LDB2: variants seen among roughly 807,000 people sequenced by gnomAD.
LDB2 encodes the protein LIM domain-binding protein 2.
A neutral mutation model predicts 44.3 loss-of-function variants in LDB2; 12 were observed. The ratio of observed to expected loss-of-function variants is 0.27; its 90% CI spans 0.17 to 0.44. LDB2 has a LOEUF of 0.44. Among genes scored for constraint, LDB2 ranks in the 20% least tolerant of loss-of-function variants. The probability of loss-of-function intolerance (pLI) is 1.00; values close to 1 mark genes in which losing one functional copy is unlikely to be tolerated. For missense variants in LDB2, 344 were observed against 473.5 expected, an observed-to-expected ratio of 0.73 and a Z score of 2.54; for synonymous variants, 164 against 174.8, an observed-to-expected ratio of 0.94 and a Z score of 0.49.
chr4:16,679,544 A>C (rs772876399), intron 2 of LDB2, among the ~76,000 whole-genome samples: 5 of 152,170 alleles, frequency 3.3e-5, no homozygotes, highest in Non-Finnish European at 5.9e-5. Context: ...AATGAGGCAA[A>C]GTTAAGTGAC....
chr4:16,825,927 C>G (rs1262444825), intron 1 of LDB2, among the ~76,000 whole-genome samples: 1 of 151,852 alleles, frequency 6.6e-6, no homozygotes, highest in Non-Finnish European at 1.5e-5. Context: ...ACCTATGAAA[C>G]TAATTTTATA....
intron 1 of LDB2, among the ~76,000 whole-genome samples, chr4:16,873,577 C>T (rs910731764): frequency 6.6e-6 from 1 of 152,056 alleles, no homozygotes; most frequent in Non-Finnish European, 1.5e-5. Flanking sequence ...CAAAGAAAAA[C>T]CAAATTATTC....
intron 5 of LDB2, among the ~76,000 whole-genome samples, chr4:16,517,637 G>A (rs1455716392): frequency 6.6e-6 from 1 of 152,186 alleles, no homozygotes; most frequent in African/African-American, 2.4e-5. Context: ...AGCAAGGCCC[G>A]AGATCCCTCT....
In LDB2 at chr4:16,502,379, T is replaced by G; in HGVS notation, c.*264A>C. On this transcript the variant is annotated 3_prime_UTR_variant, in exon 8 of 8. Coordinates refer to ENST00000304523, the MANE Select transcript of LDB2 (RefSeq NM_001290.5). ...AACCGTGCCAGAAGATGCGCTAGAG[T>G]TTTCTCTCATTTTAATTACAATCAG... is the stretch of plus-strand genomic sequence containing the variant. 1 of 444,046 alleles carries G rather than the reference T, an allele frequency of 2.3e-6. No homozygotes were observed. The highest frequency in any genetic ancestry group is 4.0e-6 in the Non-Finnish European group (1 of 248,530). 27.5% of individuals were successfully genotyped at this position (444,046 alleles called of 1,614,324 possible). A position where few individuals can be genotyped will look rare whatever the true frequency, so the allele number is the denominator to read the frequency against.
chr4:16,576,921 G>C (rs958934950), intron 5 of LDB2, among the ~76,000 whole-genome samples: 3 of 152,194 alleles, frequency 2.0e-5, no homozygotes, highest in African/African-American at 7.2e-5. Flanking sequence ...TGCAAGAATA[G>C]TTCAACGTAT....
At chr4:16,839,583 T>C (rs1408674708) in intron 1 of LDB2, among the ~76,000 whole-genome samples, 3 of 152,152 alleles carry the variant, frequency 2.0e-5, no homozygotes, top group Admixed American at 6.5e-5. Flanking sequence ...GTGAGCAAAC[T>C]GAGGCTCAAA....
chr4:16,611,935 T>C (rs915695483), intron 2 of LDB2, among the ~76,000 whole-genome samples: 3 of 152,130 alleles, frequency 2.0e-5, no homozygotes, highest in African/African-American at 7.2e-5. Context: ...CACATGGCAC[T>C]TATCCTAAAA....
At chr4:16,783,457 C>A (rs1579626042) in intron 1 of LDB2, among the ~76,000 whole-genome samples, 1 of 152,256 alleles carries the variant, frequency 6.6e-6, no homozygotes. Context: ...TGAATGGCCA[C>A]CCACGGAGGT....
chr4:16,716,593 C>T (rs866652586), intron 2 of LDB2, among the ~76,000 whole-genome samples: 1 of 152,262 alleles, frequency 6.6e-6, no homozygotes, highest in Middle Eastern at 3.4e-3. Context: ...TGGGGGTTAG[C>T]ATTTGAACTC....
intron 1 of LDB2, among the ~76,000 whole-genome samples, chr4:16,823,091 T>A (rs1782412865): frequency 6.6e-6 from 1 of 152,208 alleles, no homozygotes; most frequent in Admixed American, 6.5e-5. Context: ...ACACTTGATA[T>A]AAGCACAATT....
chr4:16,654,395 G>A (rs756825084), intron 2 of LDB2, among the ~76,000 whole-genome samples: 4 of 152,168 alleles, frequency 2.6e-5, no homozygotes, highest in Admixed American at 6.6e-5. Flanking sequence ...GAGTGTGGAA[G>A]GGCACTGGAG....
At chr4:16,734,083 G>C (rs1437145471) in intron 2 of LDB2, among the ~76,000 whole-genome samples, 1 of 152,136 alleles carries the variant, frequency 6.6e-6, no homozygotes. Flanking sequence ...TGATAAATAA[G>C]AATAATGATA....
At chr4:16,896,043 CAATTATTTGAAT>C (rs1332011980) in intron 1 of LDB2, among the ~76,000 whole-genome samples, 1 of 151,830 alleles carries the variant, frequency 6.6e-6, no homozygotes, top group East Asian at 1.9e-4. Context: ...AGTATTGAGG[CAATTATTTGAAT>C]AATTATTTGA....
At chr4:16,609,423 A>G (rs906419233) in intron 2 of LDB2, among the ~76,000 whole-genome samples, 4 of 151,922 alleles carry the variant, frequency 2.6e-5, no homozygotes, top group African/African-American at 9.7e-5. Context: ...GAGGGGCAGC[A>G]GCCAGCACTG....
At chr4:16,678,493 G>C (rs530730848) in intron 2 of LDB2, among the ~76,000 whole-genome samples, 8 of 152,240 alleles carry the variant, frequency 5.3e-5, no homozygotes, top group African/African-American at 1.9e-4. Flanking sequence ...CAGGGGTGAA[G>C]GGGGGACCTT....
At chr4:16,857,130 C>T (rs1275407947) in intron 1 of LDB2, among the ~76,000 whole-genome samples, 2 of 152,144 alleles carry the variant, frequency 1.3e-5, no homozygotes, top group African/African-American at 4.8e-5. Flanking sequence ...TTATGGAATA[C>T]CCATGGAGTT....
intron 1 of LDB2, among the ~76,000 whole-genome samples, chr4:16,805,521 C>A (rs1778614428): frequency 1.3e-5 from 2 of 152,176 alleles, no homozygotes; most frequent in Non-Finnish European, 2.9e-5. Context: ...GAACAATGCA[C>A]AGGCTCATGG....
intron 1 of LDB2, among the ~76,000 whole-genome samples, chr4:16,782,023 G>A (rs1773352869): frequency 6.6e-6 from 1 of 152,208 alleles, no homozygotes; most frequent in South Asian, 2.1e-4. Flanking sequence ...GTGAATTTCT[G>A]TTATTTTCAA....
chr4:16,686,904 C>T (rs1230395960), intron 2 of LDB2, among the ~76,000 whole-genome samples: 1 of 152,098 alleles, frequency 6.6e-6, no homozygotes, highest in Admixed American at 6.5e-5. Flanking sequence ...CTTATTCCTC[C>T]AGCTTTCACT....
Sources: gnomAD v4.1 joint callset for allele counts (sites outside exome capture counted in the v4.1 genomes callset) on GRCh38, gnomAD v4.1.1 for gene constraint, MANE v1.5 for transcripts, NCBI Gene and HGNC (gene_info 2026-07-23, HGNC 2026-07-21) for gene names.